PSD3: variants seen among roughly 807,000 people sequenced by gnomAD.
PSD3 encodes PH and SEC7 domain-containing protein 3.
PSD3 carries 49 observed loss-of-function variants against 105.5 expected under a neutral mutation model. The ratio of observed to expected loss-of-function variants is 0.46; its 90% confidence interval spans 0.37 to 0.59. The LOEUF (loss-of-function observed/expected upper bound fraction) is 0.59, where lower values mean the gene tolerates loss of function less well. Ranked by LOEUF, PSD3 falls within the 20% of genes least tolerant of loss-of-function variation. The pLI, the probability that PSD3 is intolerant of heterozygous loss-of-function variation, is 0.00. For synonymous variants in PSD3, 557 were observed against 457.8 expected (o/e 1.22, Z -2.77); for missense variants, 1,561 against 1,263.8 (o/e 1.24, Z -3.57).
intron 1 of PSD3, among the ~76,000 whole-genome samples, chr8:18,938,765 TG>T (rs1318951851): frequency 6.6e-6 from 1 of 152,040 alleles, no homozygotes; most frequent in African/African-American, 2.4e-5. Flanking sequence ...TCCTATGAGG[TG>T]GGGGCTACTG....
At chr8:18,539,547 CTTT>C (rs547299808) in intron 15 of PSD3, among the ~76,000 whole-genome samples, 6 of 133,826 alleles carry the variant, frequency 4.5e-5, no homozygotes, top group East Asian at 4.3e-4. Flanking sequence ...TAGTAAATTA[CTTT>C]TTTTTTTTTT....
chr8:18,812,624 G>A (rs1253961132), intron 4 of PSD3, among the ~76,000 whole-genome samples: 8 of 152,160 alleles, frequency 5.3e-5, no homozygotes, highest in African/African-American at 1.2e-4. Context: ...GCAACTTCAA[G>A]GGTGGGGTTA....
intron 1 of PSD3, among the ~76,000 whole-genome samples, chr8:19,008,091 G>A (rs11988212): frequency 0.018 from 2,764 of 152,216 alleles, 85 homozygotes; most frequent in African/African-American, 0.063. Context: ...CGATCCACCC[G>A]CCTCGGGCTC....
At chr8:18,998,307 C>T (rs1377172099) in intron 1 of PSD3, among the ~76,000 whole-genome samples, 1 of 152,024 alleles carries the variant, frequency 6.6e-6, no homozygotes, top group Non-Finnish European at 1.5e-5. Flanking sequence ...AGAAAAAGCT[C>T]TCTTAACTGA....
In PSD3 at chr8:18,843,856, T is replaced by C. The variant is rs537882698; in HGVS notation, c.1634+23818A>G. On this transcript the variant is annotated intron_variant, in intron 4 of 15. Transcript: ENST00000327040. ...AAGCACTTCACAAGCATTATCTCAA[T>C]TGATCCTGACAATATCTCCAGGAAG... Among the ~76,000 whole-genome samples the C allele has an allele frequency of 5.3e-5, 8 of 152,234 alleles. No individual in the cohort carries two copies. In the East Asian group the frequency reaches 9.7e-4, roughly 18 times the overall value.
chr8:18,937,177 A>C (rs1375917010), intron 1 of PSD3, among the ~76,000 whole-genome samples: 1 of 152,226 alleles, frequency 6.6e-6, no homozygotes, highest in Non-Finnish European at 1.5e-5. Flanking sequence ...AGGACTAATT[A>C]AAAACAAGTA....
chr8:18,933,643 T>G (rs1260689512), intron 2 of PSD3, among the ~76,000 whole-genome samples: 1 of 152,092 alleles, frequency 6.6e-6, no homozygotes, highest in Non-Finnish European at 1.5e-5. Context: ...AATTTTTATA[T>G]TTTTAGTAGA....
At chr8:18,602,903 T>C (rs1804538753) in intron 11 of PSD3, among the ~76,000 whole-genome samples, 1 of 152,148 alleles carries the variant, frequency 6.6e-6, no homozygotes, top group African/African-American at 2.4e-5. Context: ...TAGAAGGAGT[T>C]AAAGTGATTT....
chr8:18,823,931 GCA>G (rs1812962963), intron 4 of PSD3, among the ~76,000 whole-genome samples: 1 of 152,142 alleles, frequency 6.6e-6, no homozygotes, highest in African/African-American at 2.4e-5. Flanking sequence ...TGTAATCCCT[GCA>G]CTTTGGGTGG....
At chr8:18,656,206 T>G (rs1410323880) in intron 9 of PSD3, among the ~76,000 whole-genome samples, 2 of 152,036 alleles carry the variant, frequency 1.3e-5, no homozygotes, top group Non-Finnish European at 2.9e-5. Flanking sequence ...TACAGGCGTG[T>G]GCCACCACAC....
intron 2 of PSD3, among the ~76,000 whole-genome samples, chr8:18,883,074 T>C (rs914505226): frequency 6.6e-6 from 1 of 152,082 alleles, no homozygotes; most frequent in Non-Finnish European, 1.5e-5. Flanking sequence ...TGTTAGAAAT[T>C]CAGACTCTCA....
chr8:18,613,158 G>C (rs1805394481), intron 11 of PSD3, among the ~76,000 whole-genome samples: 1 of 152,076 alleles, frequency 6.6e-6, no homozygotes, highest in African/African-American at 2.4e-5. Context: ...GGCAGCCAAG[G>C]ACCCCTCCTG....
rs201016537 is a variant in PSD3 at position 18,544,171 on chromosome 8, C to CAAAAAAAAAAAAAAAAAAAAAA, written c.2929-8235_2929-8214dup. 1.3e-4 allele frequency among the ~76,000 whole-genome samples: 14 copies of CAAAAAAAAAAAAAAAAAAAAAA among 106,692 alleles called. 3 individuals carry two copies. The highest frequency in any genetic ancestry group is 5.8e-4 in the East Asian group (2 of 3,454). The allele number at this position is 106,692 out of a possible 152,430, so 70.0% of individuals were successfully genotyped here. A position where few individuals can be genotyped will look rare whatever the true frequency, so the allele number is the denominator to read the frequency against. On this transcript the variant is annotated intron_variant, in intron 15 of 15. Transcript: ENST00000327040. Reference sequence around the variant, plus strand: ...TACAATGGAAAACAAAGAAACAAACCAAAAAAAAAAAAAAAAAAAAAAAAA... The same window carrying CAAAAAAAAAAAAAAAAAAAAAA: ...TACAATGGAAAACAAAGAAACAAACCAAAAAAAAAAAAAAAAAAAAAAAAAAAAAAAAAAAAAAAAAAAAAAA...
intron 10 of PSD3, among the ~76,000 whole-genome samples, chr8:18,646,026 A>G (rs565171940): frequency 6.6e-6 from 1 of 152,252 alleles, no homozygotes; most frequent in East Asian, 1.9e-4. Flanking sequence ...TATTTTACCA[A>G]GAGTCCAGTA....
At chr8:18,749,348 C>A (rs2129437256) in intron 9 of PSD3, among the ~76,000 whole-genome samples, 1 of 152,312 alleles carries the variant, frequency 6.6e-6, no homozygotes. Context: ...CGACAAGGTG[C>A]TACCATCTCA....
chr8:18,689,466 G>A (rs1033774971), intron 9 of PSD3, among the ~76,000 whole-genome samples: 4 of 152,076 alleles, frequency 2.6e-5, no homozygotes, highest in African/African-American at 7.2e-5. Context: ...AAGCTAAAGT[G>A]GAAATGAATT....
intron 1 of PSD3, among the ~76,000 whole-genome samples, chr8:19,063,813 C>G (rs151264173): frequency 6.6e-6 from 1 of 151,770 alleles, no homozygotes; most frequent in East Asian, 1.9e-4. Context: ...TCTTATAATC[C>G]GGCAATTTCC....
chr8:18,659,308 T>C (rs543035628), intron 9 of PSD3, among the ~76,000 whole-genome samples: 1 of 152,368 alleles, frequency 6.6e-6, no homozygotes, highest in Non-Finnish European at 1.5e-5. Flanking sequence ...CATGAGCCTC[T>C]CGCCATCTCC....
At chr8:18,619,576 G>A (rs11785104) in intron 11 of PSD3, among the ~76,000 whole-genome samples, 69 of 151,716 alleles carry the variant, frequency 4.5e-4, no homozygotes, top group African/African-American at 1.6e-3. Flanking sequence ...CCGGGAGGCA[G>A]AGGTTGTAGT....
Sources: allele counts gnomAD v4.1 joint callset (sites outside exome capture counted in the v4.1 genomes callset), GRCh38; gene constraint gnomAD v4.1.1; transcripts MANE v1.5; gene names NCBI Gene and HGNC (gene_info 2026-07-23, HGNC 2026-07-21).